Variants in PDZRN4 observed in about 807,000 individuals in gnomAD.
The protein encoded by PDZRN4 is PDZ domain-containing RING finger protein 4.
Under a neutral mutation model 99.0 loss-of-function variants are expected in PDZRN4, and 70 were observed. The ratio of observed to expected loss-of-function variants is 0.71; its 90% confidence interval spans 0.58 to 0.86. The LOEUF (loss-of-function observed/expected upper bound fraction) is 0.86. PDZRN4 is among the 40% of genes least tolerant of loss of function. The pLI is 0.00. For synonymous variants in PDZRN4, 551 were observed against 501.6 expected, an observed-to-expected ratio of 1.10 and a Z score of -1.32; for missense variants, 1,474 against 1,331.2, an observed-to-expected ratio of 1.11 and a Z score of -1.67.
intron 4 of PDZRN4, among the ~76,000 whole-genome samples, chr12:41,508,525 T>C (rs977200518): frequency 1.3e-5 from 2 of 152,270 alleles, no homozygotes; most frequent in South Asian, 4.1e-4. Flanking sequence ...GAATAAAGTG[T>C]TCCTCACAGC....
chr12:41,376,052 T>C (rs1006513959), intron 3 of PDZRN4, among the ~76,000 whole-genome samples: 1 of 152,220 alleles, frequency 6.6e-6, no homozygotes, highest in Non-Finnish European at 1.5e-5. Context: ...GTTTCATCCA[T>C]TTCATCACAA....
At chr12:41,413,098 G>A (rs12314340) in intron 3 of PDZRN4, 76,272 of 148,768 alleles carry the variant, frequency 0.51, 20,143 homozygotes, top group African/African-American at 0.66. Context: ...TGAAAAAAAA[G>A]AAAAGAATAG....
intron 3 of PDZRN4, among the ~76,000 whole-genome samples, chr12:41,439,772 T>C (rs544854478): frequency 6.6e-6 from 1 of 152,318 alleles, no homozygotes; most frequent in South Asian, 2.1e-4. Context: ...TGATCTTTAA[T>C]AAAGGGGGTG....
intron 3 of PDZRN4, among the ~76,000 whole-genome samples, chr12:41,366,371 A>T (rs1952000395): frequency 6.6e-6 from 1 of 152,124 alleles, no homozygotes; most frequent in Non-Finnish European, 1.5e-5. Context: ...TTGATAAAGG[A>T]CAGTGAAAAA....
chr12:41,233,579 A>T (rs949636905), intron 3 of PDZRN4, among the ~76,000 whole-genome samples: 5 of 152,202 alleles, frequency 3.3e-5, no homozygotes, highest in African/African-American at 1.2e-4. Flanking sequence ...AAAATGTGGC[A>T]CATATGCACC....
chr12:41,554,815 GTGTGTA>G (rs1004793061), intron 6 of PDZRN4, among the ~76,000 whole-genome samples: 1 of 151,724 alleles, frequency 6.6e-6, no homozygotes, highest in African/African-American at 2.4e-5. Flanking sequence ...ATGTGCGTGT[GTGTGTA>G]TGTGTGTGTG....
At chr12:41,458,457 G>A (rs940780075) in intron 3 of PDZRN4, among the ~76,000 whole-genome samples, 6 of 152,140 alleles carry the variant, frequency 3.9e-5, no homozygotes, top group East Asian at 1.9e-4. Context: ...ACACCCAGCC[G>A]AGAGTGACTT....
intron 3 of PDZRN4, among the ~76,000 whole-genome samples, chr12:41,353,369 C>T (rs1010276278): frequency 3.9e-5 from 6 of 152,046 alleles, no homozygotes; most frequent in South Asian, 4.2e-4. Context: ...AGAATGTCCT[C>T]CTATATGAGC....
chr12:41,293,918 A>T (rs2120914899), intron 3 of PDZRN4, among the ~76,000 whole-genome samples: 1 of 152,328 alleles, frequency 6.6e-6, no homozygotes, highest in East Asian at 1.9e-4. Context: ...TATGACCATT[A>T]CAAATAAGCA....
At chr12:41,310,913 T>C (rs956956037) in intron 3 of PDZRN4, among the ~76,000 whole-genome samples, 4 of 152,132 alleles carry the variant, frequency 2.6e-5, no homozygotes, top group African/African-American at 9.6e-5. Context: ...AATACACAGA[T>C]CTAAGAGTTA....
chr12:41,333,917 G>C (rs143096382), intron 3 of PDZRN4, among the ~76,000 whole-genome samples: 1 of 152,054 alleles, frequency 6.6e-6, no homozygotes, highest in Non-Finnish European at 1.5e-5. Context: ...TTTTGTGTGC[G>C]CAAACATACT....
At chr12:41,336,038 T>C (rs1951771272) in intron 3 of PDZRN4, among the ~76,000 whole-genome samples, 1 of 152,120 alleles carries the variant, frequency 6.6e-6, no homozygotes, top group Non-Finnish European at 1.5e-5. Context: ...TAGGTTTATG[T>C]ATGTATATGC....
At position 41,403,218 on chromosome 12, in the gene PDZRN4, A is replaced by G. The variant is rs531043833; in HGVS notation, c.844-103238A>G. Among the ~76,000 whole-genome samples the G allele has an allele frequency of 6.6e-5, 10 of 152,292 alleles. No individual in the cohort carries two copies. The East Asian group carries it at 1.9e-3, about 29-fold the overall frequency. ...TTAATACTGAGCCCCAGGGGCTAGG[A>G]AACCTCGGGGTGAAAGTTTGGGAAA... On this transcript the variant is annotated intron_variant, in intron 3 of 9. Coordinates refer to ENST00000402685, the MANE Select transcript of PDZRN4 (RefSeq NM_001164595.2).
At position 41,540,100 on chromosome 12, in the gene PDZRN4, A is replaced by C. The variant is rs1048175004; in HGVS notation, c.1204-12556A>C. Among the ~76,000 whole-genome samples the C allele has an allele frequency of 2.0e-5, 3 of 152,358 alleles. No individual in the cohort carries two copies. In the East Asian group the frequency reaches 5.8e-4, roughly 29 times the overall value. ...TAAATGAGTTTTTTAATGCTTTGGA[A>C]TTATGACCAGTGACAAAATGTAGAA... On this transcript the variant is annotated intron_variant, in intron 5 of 9. Coordinates refer to ENST00000402685, the MANE Select transcript of PDZRN4 (RefSeq NM_001164595.2).
intron 1 of PDZRN4, 88 bp from the exon 2 acceptor site, chr12:41,191,370 T>A (rs1950734124): frequency 1.5e-5 from 10 of 682,242 alleles, no homozygotes; most frequent in Non-Finnish European, 2.5e-5. Context: ...ACATGTCAGT[T>A]AACTTACAGT....
intron 1 of PDZRN4, among the ~76,000 whole-genome samples, chr12:41,190,991 G>T (rs894894713): frequency 1.3e-5 from 2 of 152,118 alleles, no homozygotes; most frequent in African/African-American, 2.4e-5. Context: ...CAACATGAAT[G>T]TTATGACTAT....
At chr12:41,245,585 A>G (rs546851163) in intron 3 of PDZRN4, among the ~76,000 whole-genome samples, 3 of 152,170 alleles carry the variant, frequency 2.0e-5, no homozygotes, top group Non-Finnish European at 2.9e-5. Context: ...TGATTTCTGT[A>G]CATGAAAAAT....
intron 3 of PDZRN4, among the ~76,000 whole-genome samples, chr12:41,377,508 C>G (rs1179731407): frequency 6.6e-6 from 1 of 151,944 alleles, no homozygotes; most frequent in Non-Finnish European, 1.5e-5. Context: ...ATTAAAAATA[C>G]AAAAAAATTA....
At chr12:41,398,038 T>C (rs1380590341) in intron 3 of PDZRN4, among the ~76,000 whole-genome samples, 1 of 152,136 alleles carries the variant, frequency 6.6e-6, no homozygotes, top group Admixed American at 6.6e-5. Context: ...TTTGGATCTC[T>C]GAGATGATGT....
Sources: gnomAD v4.1 joint callset for allele counts (sites outside exome capture counted in the v4.1 genomes callset) on GRCh38, gnomAD v4.1.1 for gene constraint, MANE v1.5 for transcripts, NCBI Gene and HGNC (gene_info 2026-07-23, HGNC 2026-07-21) for gene names.